CSNK1G3: variants seen among roughly 807,000 people sequenced by gnomAD.
The protein encoded by CSNK1G3 is casein kinase 1 gamma 3.
CSNK1G3 carries 23 observed loss-of-function variants against 64.3 expected under a neutral mutation model. The observed-to-expected ratio is 0.36, with a 90% CI of 0.26 to 0.51. CSNK1G3 has a LOEUF of 0.51. Ranked by LOEUF, CSNK1G3 falls within the 20% of genes least tolerant of loss-of-function variation. CSNK1G3 has a pLI of 0.96. For missense variants in CSNK1G3, 357 were observed against 510.5 expected (o/e 0.70, Z 2.90); for synonymous variants, 158 against 162.2 (o/e 0.97, Z 0.20).
chr5:123,566,088 C>T (rs1205663427), intron 4 of CSNK1G3, among the ~76,000 whole-genome samples: 1 of 152,136 alleles, frequency 6.6e-6, no homozygotes, highest in Non-Finnish European at 1.5e-5. Flanking sequence ...TTAACTAATA[C>T]TTACCTGTAA....
At chr5:123,531,362 G>C (rs548268335) in intron 1 of CSNK1G3, among the ~76,000 whole-genome samples, 1 of 152,026 alleles carries the variant, frequency 6.6e-6, no homozygotes, top group African/African-American at 2.4e-5. Context: ...AAGGAGGTCA[G>C]TTGGCTTTGT....
chr5:123,589,208 G>A (rs1427486203), intron 8 of CSNK1G3, among the ~76,000 whole-genome samples: 3 of 152,068 alleles, frequency 2.0e-5, no homozygotes, highest in African/African-American at 4.8e-5. Context: ...TAGTTCTCCT[G>A]TATAATGCTG....
chr5:123,568,309 G>A (rs1787353738), intron 4 of CSNK1G3, among the ~76,000 whole-genome samples: 1 of 152,012 alleles, frequency 6.6e-6, no homozygotes, highest in Non-Finnish European at 1.5e-5. Flanking sequence ...CCTTTTTTTG[G>A]TGCAAGTTTG....
intron 4 of CSNK1G3, among the ~76,000 whole-genome samples, chr5:123,562,181 C>G (rs1321936586): frequency 1.3e-5 from 2 of 152,062 alleles, no homozygotes; most frequent in African/African-American, 4.8e-5. Context: ...TTCTATTTTT[C>G]TTTAAGCCCT....
Position 123,594,053 on chromosome 5 carries a change from G to A in CSNK1G3, c.1086+2639G>A, listed in dbSNP as rs2151018418. On this transcript the variant is annotated intron_variant, in intron 10 of 12. Coordinates refer to ENST00000345990, the Ensembl canonical transcript of CSNK1G3. ...GTTGGAATTCCTGTTGTACTCCTTG[G>A]TAGGTCTGTAACTGTGGGGAAGTGG... is the stretch of plus-strand genomic sequence containing the variant. Among the ~76,000 whole-genome samples, 3 of 152,210 alleles carry A rather than the reference G, an allele frequency of 2.0e-5. No individual in the cohort carries two copies. The Middle Eastern group carries it at 0.01, about 518-fold the overall frequency.
chr5:123,607,399 A>G (rs1795538076), intron 12 of CSNK1G3, among the ~76,000 whole-genome samples: 1 of 152,198 alleles, frequency 6.6e-6, no homozygotes, highest in Non-Finnish European at 1.5e-5. Flanking sequence ...AATCATTACT[A>G]AATAATTAAC....
chr5:123,588,556 A>C, intron 8 of CSNK1G3, 45 bp downstream of exon 8: 1 of 1,173,932 alleles, frequency 8.5e-7, no homozygotes, highest in Non-Finnish European at 1.3e-6. Context: ...AGAAAACTAG[A>C]AATGCTAATT....
intron 12 of CSNK1G3, among the ~76,000 whole-genome samples, chr5:123,607,137 G>T (rs1299118943): frequency 6.6e-6 from 1 of 152,008 alleles, no homozygotes; most frequent in East Asian, 1.9e-4. Context: ...TATAGGAAGG[G>T]TTCTCCATTG....
chr5:123,535,089 G>A (rs1242248450), intron 1 of CSNK1G3, among the ~76,000 whole-genome samples: 3 of 152,088 alleles, frequency 2.0e-5, no homozygotes, highest in Non-Finnish European at 4.4e-5. Flanking sequence ...GGTTATGTGT[G>A]TGGCACTACT....
chr5:123,543,662 C>CT (rs1188647172), intron 1 of CSNK1G3, among the ~76,000 whole-genome samples: 1 of 152,158 alleles, frequency 6.6e-6, no homozygotes, highest in African/African-American at 2.4e-5. Context: ...AGCCAGAGAG[C>CT]TTGGATGAAG....
intron 1 of CSNK1G3, among the ~76,000 whole-genome samples, chr5:123,513,472 A>G (rs1561431007): frequency 2.0e-5 from 3 of 152,124 alleles, no homozygotes; most frequent in Admixed American, 6.6e-5. Flanking sequence ...CACTGTGTGA[A>G]TTACTTTCAA....
intron 4 of CSNK1G3, among the ~76,000 whole-genome samples, chr5:123,560,708 A>G (rs565388042): frequency 1.3e-5 from 2 of 152,166 alleles, no homozygotes; most frequent in Non-Finnish European, 2.9e-5. Context: ...GCAAAGTGAA[A>G]TAAGGCGGTC....
intron 12 of CSNK1G3, among the ~76,000 whole-genome samples, chr5:123,609,908 T>C (rs1796021613): frequency 2.1e-5 from 1 of 48,208 alleles, no homozygotes; most frequent in Admixed American, 2.1e-4. Flanking sequence ...GAAAAGGGCA[T>C]GGCATATTTA....
chr5:123,616,545 T>A (rs979756055), exon 13 of CSNK1G3: 1 of 152,600 alleles, frequency 6.6e-6, no homozygotes, highest in Non-Finnish European at 1.5e-5. Flanking sequence ...TTTTAAGTGC[T>A]CCATTTTAAT....
intron 1 of CSNK1G3, among the ~76,000 whole-genome samples, chr5:123,515,765 A>G (rs138485323): frequency 6.6e-6 from 1 of 152,182 alleles, no homozygotes; most frequent in East Asian, 1.9e-4. Flanking sequence ...CCCTCTTAGT[A>G]TTCAAAAAGG....
At chr5:123,515,458 A>G (rs974117042) in intron 1 of CSNK1G3, among the ~76,000 whole-genome samples, 1 of 152,250 alleles carries the variant, frequency 6.6e-6, no homozygotes, top group East Asian at 1.9e-4. Flanking sequence ...TTTCACAGAA[A>G]GTGGTTTTAA....
intron 12 of CSNK1G3, among the ~76,000 whole-genome samples, chr5:123,610,870 A>T (rs1309611232): frequency 6.6e-6 from 1 of 152,190 alleles, no homozygotes; most frequent in African/African-American, 2.4e-5. Context: ...GCTACTCAGG[A>T]GGCTGAAGTG....
At chr5:123,547,694 A>G (rs1012960596) in intron 2 of CSNK1G3, among the ~76,000 whole-genome samples, 5 of 152,190 alleles carry the variant, frequency 3.3e-5, no homozygotes, top group African/African-American at 9.6e-5. Flanking sequence ...ATGTGTGTAT[A>G]TATATATCTG....
intron 4 of CSNK1G3, among the ~76,000 whole-genome samples, chr5:123,562,166 A>T (rs1024379818): frequency 6.6e-6 from 1 of 152,024 alleles, no homozygotes; most frequent in Non-Finnish European, 1.5e-5. Context: ...TTCTTTTCTA[A>T]TGAATTCTAT....
Sources: gnomAD v4.1 joint callset for allele counts (sites outside exome capture counted in the v4.1 genomes callset) on GRCh38, gnomAD v4.1.1 for gene constraint, MANE v1.5 for transcripts, NCBI Gene and HGNC (gene_info 2026-07-23, HGNC 2026-07-21) for gene names.